The following CA10 variants were observed in gnomAD, a reference collection of about 807,000 sequenced individuals.
CA10 encodes the protein carbonic anhydrase-related protein 10.
A neutral mutation model predicts 44.2 loss-of-function variants in CA10; 14 were observed. That is an observed-to-expected ratio of 0.32 (90% CI 0.21 to 0.50). CA10 has a LOEUF of 0.50. Among genes scored for constraint, CA10 ranks in the 20% least tolerant of loss-of-function variants. CA10 has a pLI of 0.99. For synonymous variants in CA10, 159 were observed against 141.6 expected (o/e 1.12, Z -0.87); for missense variants, 350 against 409.7 (o/e 0.85, Z 1.26).
intron 2 of CA10, among the ~76,000 whole-genome samples, chr17:52,032,095 A>T (rs1009438590): frequency 1.3e-5 from 2 of 152,186 alleles, no homozygotes; most frequent in Non-Finnish European, 2.9e-5. Flanking sequence ...GCACAAACTA[A>T]AATGCACAAT....
chr17:51,662,562 C>T (rs1338190482), intron 4 of CA10, among the ~76,000 whole-genome samples: 1 of 152,164 alleles, frequency 6.6e-6, no homozygotes, highest in East Asian at 1.9e-4. Flanking sequence ...GCTGGAACAA[C>T]TATAAGCTAG....
chr17:51,862,259 G>A (rs1473367088), intron 3 of CA10, among the ~76,000 whole-genome samples: 2 of 152,188 alleles, frequency 1.3e-5, no homozygotes, highest in African/African-American at 4.8e-5. Context: ...TGAAGCTTAA[G>A]TTGGAGGACT....
chr17:52,018,865 T>G (rs58217397), intron 2 of CA10, among the ~76,000 whole-genome samples: 4,862 of 131,202 alleles, frequency 0.037, 265 homozygotes, highest in African/African-American at 0.11. Context: ...GGGAGGTGTT[T>G]GGGTCACGGG....
chr17:52,133,601 G>T (rs535071493), intron 1 of CA10, among the ~76,000 whole-genome samples: 1 of 151,722 alleles, frequency 6.6e-6, no homozygotes, highest in East Asian at 1.9e-4. Context: ...CCATTTTTCC[G>T]ACTGCTCTAT....
At position 51,631,361 on chromosome 17, in the gene CA10, T is replaced by G. The variant is rs1252276379; in HGVS notation, c.*223A>C. 1.7e-6 allele frequency: 1 copy of G among 600,798 alleles called. No individual in the cohort carries two copies. Among genetic ancestry groups the G allele is most frequent in the African/African-American group, 1.8e-5 (1 of 54,110 alleles). 37.2% of individuals were successfully genotyped at this position (600,798 alleles called of 1,614,324 possible). A position where few individuals can be genotyped will look rare whatever the true frequency, so the allele number is the denominator to read the frequency against. On this transcript the variant is annotated 3_prime_UTR_variant, in exon 9 of 9. Transcript: ENST00000451037. ...GTGTAGGTATGTTTGCATGTGTTTG[T>G]ATGTATGTGCAAGTGCTTGTGTGTG... is the stretch of plus-strand genomic sequence containing the variant.
At chr17:51,917,462 A>G (rs1982049965) in intron 3 of CA10, among the ~76,000 whole-genome samples, 1 of 137,254 alleles carries the variant, frequency 7.3e-6, no homozygotes, top group Non-Finnish European at 1.7e-5. Flanking sequence ...TTGCATTGTT[A>G]TACAGAAATA....
chr17:51,808,903 T>C (rs1200826467), intron 3 of CA10, among the ~76,000 whole-genome samples: 1 of 152,208 alleles, frequency 6.6e-6, no homozygotes, highest in Non-Finnish European at 1.5e-5. Context: ...ATTTCAAAAA[T>C]GACATCTTTG....
chr17:52,107,226 G>A (rs1429722286), intron 1 of CA10, among the ~76,000 whole-genome samples: 1 of 152,042 alleles, frequency 6.6e-6, no homozygotes, highest in Non-Finnish European at 1.5e-5. Context: ...CCCTGCGATC[G>A]AGTCCTAATT....
At chr17:51,645,145 G>A (rs1159044006) in intron 6 of CA10, among the ~76,000 whole-genome samples, 1 of 152,006 alleles carries the variant, frequency 6.6e-6, no homozygotes, top group Non-Finnish European at 1.5e-5. Context: ...CCATCTCCCT[G>A]CCAATCCCCA....
chr17:51,975,847 GGT>G (rs1482589560), intron 2 of CA10, among the ~76,000 whole-genome samples: 2 of 140,782 alleles, frequency 1.4e-5, no homozygotes, highest in Non-Finnish European at 3.0e-5. Context: ...CTCCAGCCTG[GGT>G]GACAGAGTTA....
At chr17:51,729,334 C>CTT (rs976229729) in intron 4 of CA10, among the ~76,000 whole-genome samples, 4 of 152,034 alleles carry the variant, frequency 2.6e-5, no homozygotes, top group African/African-American at 7.2e-5. Context: ...GATGCTTAAA[C>CTT]TTTTTTGTGT....
chr17:51,987,386 A>G (rs1200338964), intron 2 of CA10, among the ~76,000 whole-genome samples: 2 of 151,910 alleles, frequency 1.3e-5, no homozygotes, highest in African/African-American at 4.8e-5. Context: ...AAAGGGTGGG[A>G]AGGGGGCGAG....
chr17:51,903,516 C>T (rs754957508), intron 3 of CA10, among the ~76,000 whole-genome samples: 3 of 152,118 alleles, frequency 2.0e-5, no homozygotes, highest in Non-Finnish European at 4.4e-5. Flanking sequence ...GGAGAGAAAA[C>T]TGCAATCATA....
At chr17:51,839,170 C>A (rs1020560036) in intron 3 of CA10, among the ~76,000 whole-genome samples, 2 of 152,118 alleles carry the variant, frequency 1.3e-5, no homozygotes, top group Non-Finnish European at 2.9e-5. Flanking sequence ...CAGTGCTTCC[C>A]TACCATGTGC....
chr17:51,924,593 G>A (rs2143979376), intron 3 of CA10, among the ~76,000 whole-genome samples: 2 of 152,310 alleles, frequency 1.3e-5, no homozygotes, highest in South Asian at 4.1e-4. Context: ...GATTCAACAA[G>A]CTCCTTTGGC....
At chr17:51,941,031 A>G (rs1983058364) in intron 2 of CA10, among the ~76,000 whole-genome samples, 1 of 152,182 alleles carries the variant, frequency 6.6e-6, no homozygotes, top group Non-Finnish European at 1.5e-5. Flanking sequence ...CAAATTCTAC[A>G]TAATTGCAGT....
At chr17:52,014,604 G>T (rs111606218) in intron 2 of CA10, among the ~76,000 whole-genome samples, 3,216 of 152,098 alleles carry the variant, frequency 0.021, 108 homozygotes, top group African/African-American at 0.071. Flanking sequence ...TCATGGAAAA[G>T]TTAGTTAAGT....
intron 2 of CA10, among the ~76,000 whole-genome samples, chr17:51,953,459 T>TG (rs1159219083): frequency 1.3e-5 from 2 of 151,952 alleles, no homozygotes; most frequent in Admixed American, 1.3e-4. Flanking sequence ...ATTTTTGTTT[T>TG]TTTTTTTTAA....
At chr17:52,034,820 T>C (rs1422145355) in intron 2 of CA10, among the ~76,000 whole-genome samples, 7 of 152,144 alleles carry the variant, frequency 4.6e-5, no homozygotes, top group Admixed American at 3.9e-4. Context: ...AAACAATGTA[T>C]TGCACAGCTC....
Sources: gnomAD v4.1 joint callset for allele counts (sites outside exome capture counted in the v4.1 genomes callset) on GRCh38, gnomAD v4.1.1 for gene constraint, MANE v1.5 for transcripts, NCBI Gene and HGNC (gene_info 2026-07-23, HGNC 2026-07-21) for gene names.